LRAT: variants seen among roughly 807,000 people sequenced by gnomAD.
LRAT encodes lecithin retinol acyltransferase.
A neutral mutation model predicts 14.2 loss-of-function variants in LRAT; 11 were observed. The ratio of observed to expected loss-of-function variants is 0.78; its 90% CI spans 0.49 to 1.29. The LOEUF is 1.29. Among genes scored for constraint, LRAT ranks in the 50% most tolerant of loss-of-function variants. LRAT has a pLI of 0.00. For synonymous variants in LRAT, 144 were observed against 124.8 expected (o/e 1.15, Z -1.03); for missense variants, 274 against 292.4 (o/e 0.94, Z 0.46).
chr4:154,742,167 A>G (rs535237944), upstream of LRAT, among the ~76,000 whole-genome samples: 32 of 152,260 alleles, frequency 2.1e-4, no homozygotes, highest in South Asian at 6.2e-4. Context: ...TGCGCAGCTG[A>G]TGAGTTTCAG....
Position 154,744,704 on chromosome 4 carries a change from C to A in LRAT, c.378C>A (p.His126Gln), listed in dbSNP as rs755913771. ...FAYGANILVN[H>Q]LDESLQKKAL... ...ACGGAGCTAACATCCTGGTCAATCA[C>A]CTGGACGAGTCCCTCCAGAAAAAGG... Residue 126 changes from histidine to glutamine, a missense_variant, in exon 2 of 3, where the codon CAC (histidine) becomes CAA (glutamine). By Grantham distance (24) the His-to-Gln change is conservative. Coordinates refer to ENST00000336356, the MANE Select transcript of LRAT (RefSeq NM_004744.5). 1 of 1,614,190 alleles carries A rather than the reference C, an allele frequency of 6.2e-7. No homozygotes were observed. The highest frequency in any genetic ancestry group is 8.5e-7 in the Non-Finnish European group (1 of 1,180,044).
upstream of LRAT, among the ~76,000 whole-genome samples, chr4:154,741,377 G>C (rs924923921): frequency 6.6e-6 from 1 of 152,210 alleles, no homozygotes; most frequent in Non-Finnish European, 1.5e-5. Context: ...TCCGGAAGCC[G>C]AAGTCCTAGC....
At position 154,751,797 on chromosome 4, in the gene LRAT, G is replaced by A. The variant is rs1443562243; in HGVS notation, c.*2661G>A. On this transcript the variant is annotated 3_prime_UTR_variant, in exon 3 of 3. Coordinates refer to ENST00000336356, the MANE Select transcript of LRAT (RefSeq NM_004744.5). Reference sequence around the variant, plus strand: ...AAACCCTGAGCCATTAATGTGTCTCGTAACTTGAGGAAGTTCATGAATTCT... The same window carrying A: ...AAACCCTGAGCCATTAATGTGTCTCATAACTTGAGGAAGTTCATGAATTCT... 2 of 141,648 alleles carry A rather than the reference G, an allele frequency of 1.4e-5. No homozygotes were observed. The highest frequency in any genetic ancestry group is 3.0e-5 in the Non-Finnish European group (2 of 66,300). 8.8% of individuals were successfully genotyped at this position (141,648 alleles called of 1,614,324 possible). A position where few individuals can be genotyped will look rare whatever the true frequency, so the allele number is the denominator to read the frequency against.
chr4:154,743,493 T>C (rs542381075), upstream of LRAT, among the ~76,000 whole-genome samples: 4 of 152,004 alleles, frequency 2.6e-5, no homozygotes, highest in South Asian at 6.2e-4. Flanking sequence ...AGGCACTGTC[T>C]CAAAACAAAA....
At position 154,745,016 on chromosome 4, in the gene LRAT, T is replaced by TCC. The variant is rs1358899672; in HGVS notation, c.540+150_540+151insCC. ...TCCTTTTTCTTTTTCCTTTTTTTTT[T>TCC]TTTTTTTTTTTTTTTTTTTTGAGAC... On this transcript the variant is annotated intron_variant, in intron 2 of 2. Transcript: ENST00000336356. 2.2e-3 allele frequency: 1,296 copies of TCC among 602,214 alleles called. 42 individuals are homozygous for TCC. The African/African-American group carries it at 0.026, about 12-fold the overall frequency. 37.3% of individuals were successfully genotyped at this position (602,214 alleles called of 1,614,324 possible).
chr4:154,748,435 C>G (rs554606223), intron 2 of LRAT: 4 of 974,332 alleles, frequency 4.1e-6, no homozygotes, highest in Non-Finnish European at 4.9e-6. Context: ...TTATGTGTCA[C>G]ATAATTGATC....
At chr4:154,743,439 A>G (rs1359399107), upstream of LRAT, among the ~76,000 whole-genome samples, 1 of 152,098 alleles carries the variant, frequency 6.6e-6, no homozygotes, top group Non-Finnish European at 1.5e-5. Context: ...GGTTGCAGTG[A>G]GCCCAGATCG....
upstream of LRAT, among the ~76,000 whole-genome samples, chr4:154,743,493 T>TCAAAA (rs1206569430): frequency 5.3e-5 from 8 of 152,004 alleles, no homozygotes; most frequent in East Asian, 5.8e-4. Flanking sequence ...AGGCACTGTC[T>TCAAAA]CAAAACAAAA....
chr4:154,746,221 C>T (rs1285574124), intron 2 of LRAT, among the ~76,000 whole-genome samples: 1 of 152,060 alleles, frequency 6.6e-6, no homozygotes, highest in African/African-American at 2.4e-5. Flanking sequence ...AACATATGAG[C>T]TTTAGTGTTA....
upstream of LRAT, among the ~76,000 whole-genome samples, chr4:154,743,374 A>G (rs918964547): frequency 5.3e-5 from 8 of 151,782 alleles, no homozygotes; most frequent in Admixed American, 3.3e-4. Context: ...GGTGCCTGTA[A>G]TATCAGCTAC....
At chr4:154,742,530 C>T (rs974110485), upstream of LRAT, among the ~76,000 whole-genome samples, 3 of 152,166 alleles carry the variant, frequency 2.0e-5, no homozygotes, top group Admixed American at 6.5e-5. Flanking sequence ...CGCAGAGTAC[C>T]CTCAGGCGTG....
At chr4:154,744,948 A>T in intron 2 of LRAT, 82 bp downstream of exon 2, 1 of 1,234,082 alleles carries the variant, frequency 8.1e-7, no homozygotes, top group South Asian at 1.2e-5. Flanking sequence ...CCCCGCGAGT[A>T]GGGATCTAAT....
upstream of LRAT, among the ~76,000 whole-genome samples, chr4:154,743,813 C>G (rs1465917855): frequency 6.6e-6 from 1 of 152,092 alleles, no homozygotes; most frequent in Non-Finnish European, 1.5e-5. Context: ...GATAAAGAAT[C>G]ACTGTGCAGA....
chr4:154,752,607 C>T lies in LRAT; in HGVS notation c.*3471C>T, dbSNP rs1290259672. The T allele has an allele frequency of 4.6e-5, 7 of 152,042 alleles. No homozygotes were observed. Among genetic ancestry groups the T allele is most frequent in the African/African-American group, 1.4e-4 (6 of 41,382 alleles). 9.4% of individuals were successfully genotyped at this position (152,042 alleles called of 1,614,324 possible). A position where few individuals can be genotyped will look rare whatever the true frequency, so the allele number is the denominator to read the frequency against. On this transcript the variant is annotated 3_prime_UTR_variant, in exon 3 of 3. Coordinates refer to ENST00000336356, the MANE Select transcript of LRAT (RefSeq NM_004744.5). ...CTCTAAAAAAAAAAGGATCTGTATT[C>T]GTGAGAGTAGAGAGAAAGGTTGTTT...
At chr4:154,742,205 A>AGTAAACTGGG (rs1578858236), upstream of LRAT, among the ~76,000 whole-genome samples, 1 of 152,148 alleles carries the variant, frequency 6.6e-6, no homozygotes, top group East Asian at 1.9e-4. Context: ...GCTTTTCTTT[A>AGTAAACTGGG]AATTTTGGGA....
chr4:154,747,779 A>G (rs934672602), intron 2 of LRAT, among the ~76,000 whole-genome samples: 2 of 152,130 alleles, frequency 1.3e-5, no homozygotes, highest in Non-Finnish European at 2.9e-5. Context: ...AAAATAGTAT[A>G]CTTCTCAATG....
Position 154,744,578 on chromosome 4 carries a change from C to CA in LRAT, c.253dup (p.Met85AsnfsTer37). The CA allele has an allele frequency of 1.2e-6, 2 of 1,614,168 alleles. No homozygotes were observed. The highest frequency in any genetic ancestry group is 1.3e-5 in the African/African-American group (1 of 75,054). ...ACATCCTGTTGGCCCTGACAGACGA[C>CA]ATGGGGCGCACGCAGAAGGTGGTCT... On this transcript the variant is annotated frameshift_variant, in exon 2 of 3. Coordinates refer to ENST00000336356, the MANE Select transcript of LRAT (RefSeq NM_004744.5). LOFTEE classifies it high-confidence loss of function.
chr4:154,741,869 C>G (rs1428117270), upstream of LRAT, among the ~76,000 whole-genome samples: 1 of 152,154 alleles, frequency 6.6e-6, no homozygotes, highest in African/African-American at 2.4e-5. Flanking sequence ...ATGCTTTTGT[C>G]TCCCTCAAGT....
At chr4:154,746,455 T>C (rs1732886501) in intron 2 of LRAT, among the ~76,000 whole-genome samples, 2 of 152,216 alleles carry the variant, frequency 1.3e-5, no homozygotes, top group Admixed American at 1.3e-4. Flanking sequence ...CTAGGAATTC[T>C]TTTCCAAGTA....
Sources: allele counts gnomAD v4.1 joint callset (sites outside exome capture counted in the v4.1 genomes callset), GRCh38; gene constraint gnomAD v4.1.1; transcripts MANE v1.5; gene names NCBI Gene and HGNC (gene_info 2026-07-23, HGNC 2026-07-21).